Variants in CNOT11 observed in about 807,000 individuals in gnomAD.
CNOT11 encodes CCR4-NOT transcription complex subunit 11.
CNOT11 carries 18 observed loss-of-function variants against 44.6 expected under a neutral mutation model. The observed-to-expected ratio is 0.40, with a 90% CI of 0.28 to 0.60. The LOEUF is 0.60. Ranked by LOEUF, CNOT11 falls within the 20% of genes least tolerant of loss-of-function variation. CNOT11 has a pLI of 0.38. For missense variants in CNOT11, 513 were observed against 677.0 expected, an observed-to-expected ratio of 0.76 and a Z score of 2.69; for synonymous variants, 291 against 270.9, an observed-to-expected ratio of 1.07 and a Z score of -0.73.
chr2:101,254,406 A>G (rs1681693394), intron 1 of CNOT11, among the ~76,000 whole-genome samples: 1 of 152,140 alleles, frequency 6.6e-6, no homozygotes, highest in African/African-American at 2.4e-5. Context: ...CCGCGTTTCT[A>G]GTTAGTGTTC....
intron 2 of CNOT11, among the ~76,000 whole-genome samples, chr2:101,261,971 C>G (rs773106053): frequency 6.6e-6 from 1 of 151,346 alleles, no homozygotes; most frequent in Non-Finnish European, 1.5e-5. Flanking sequence ...CTCAGCCTCT[C>G]GAGTAGCTGG....
chr2:101,257,755 A>G (rs916862325), intron 1 of CNOT11, 36 bp from the exon 2 acceptor site: 5 of 1,555,972 alleles, frequency 3.2e-6, no homozygotes, highest in Non-Finnish European at 3.5e-6. Context: ...TTTAAAAGTA[A>G]CCATTGGAGA....
intron 4 of CNOT11, among the ~76,000 whole-genome samples, chr2:101,265,660 C>T (rs1054359750): frequency 3.9e-5 from 6 of 152,074 alleles, no homozygotes; most frequent in Non-Finnish European, 8.8e-5. Context: ...CAGTGGGACA[C>T]TACACAATGG....
At chr2:101,267,709 T>C (rs1682019952) in intron 5 of CNOT11, among the ~76,000 whole-genome samples, 1 of 152,186 alleles carries the variant, frequency 6.6e-6, no homozygotes, top group Non-Finnish European at 1.5e-5. Context: ...CTTACAAATA[T>C]CTTTTAGGTA....
Position 101,262,521 on chromosome 2 carries a change from A to G in CNOT11, c.680-18A>G. The stretch of plus-strand genomic sequence containing the variant: ...CTCCTCATGATGTCCATAATTTTAA[A>G]ATGTCTCCTATTTCCAGAACGCCAA... On this transcript the variant is annotated intron_variant, in intron 2 of 6. Transcript: ENST00000289382. The G allele has an allele frequency of 1.9e-6, 3 of 1,612,686 alleles. No individual in the cohort carries two copies. The African/African-American group carries it at 4.0e-5, about 22-fold the overall frequency.
At chr2:101,260,629 G>T (rs1475797589) in intron 2 of CNOT11, among the ~76,000 whole-genome samples, 1 of 152,114 alleles carries the variant, frequency 6.6e-6, no homozygotes, top group Non-Finnish European at 1.5e-5. Context: ...TGGACCAAAG[G>T]TGTATTTTTG....
Position 101,264,876 on chromosome 2 carries a change from G to T in CNOT11, c.864G>T (p.Pro288=), listed in dbSNP as rs770214344. ...SHFRPEFIRP[P]PPLHICEDEL... The stretch of plus-strand genomic sequence containing the variant: ...TTCGACCAGAGTTTATTCGTCCACC[G>T]CCTCCACTCCACATTTGTGAGGATG... The change falls in exon 4 of 7, where the codon CCG becomes CCT. Residue 288 remains proline, a synonymous_variant. Transcript: ENST00000289382. 113 of 1,613,830 alleles carry T rather than the reference G, an allele frequency of 7.0e-5. No homozygotes were observed. The East Asian group carries it at 2.5e-3, about 35-fold the overall frequency.
chr2:101,267,279 C>A (rs1682008952), intron 5 of CNOT11, among the ~76,000 whole-genome samples: 1 of 152,044 alleles, frequency 6.6e-6, no homozygotes, highest in Non-Finnish European at 1.5e-5. Flanking sequence ...TGTGCTACCA[C>A]ACCCGACTAA....
intron 4 of CNOT11, 41 bp downstream of exon 4, chr2:101,265,088 A>C: frequency 7.4e-7 from 1 of 1,342,390 alleles, no homozygotes. Context: ...TTTTTTTTTA[A>C]ATTTATTTTT....
intron 2 of CNOT11, among the ~76,000 whole-genome samples, chr2:101,260,491 T>C (rs1353617805): frequency 2.0e-5 from 3 of 152,116 alleles, no homozygotes; most frequent in East Asian, 3.9e-4. Context: ...TCTACCCAGA[T>C]TGCAGATGTC....
At chr2:101,268,941 C>T in intron 5 of CNOT11, 99 bp from the exon 6 acceptor site, 1 of 718,380 alleles carries the variant, frequency 1.4e-6, no homozygotes, top group Non-Finnish European at 2.3e-6. Context: ...TCAGAAAATT[C>T]CACCAGATGA....
chr2:101,266,524 G>A (rs1048925304), intron 4 of CNOT11, among the ~76,000 whole-genome samples, 153 bp from the exon 5 acceptor site: 5 of 152,154 alleles, frequency 3.3e-5, no homozygotes, highest in Admixed American at 2.6e-4. Context: ...AAGACATCAT[G>A]GGTTTGAAGG....
chr2:101,268,314 C>T (rs1215081330), intron 5 of CNOT11, among the ~76,000 whole-genome samples: 1 of 152,182 alleles, frequency 6.6e-6, no homozygotes, highest in African/African-American at 2.4e-5. Context: ...TCCCTTTCAC[C>T]ATATTCTTAT....
Position 101,253,027 on chromosome 2 carries a change from G to C in CNOT11, c.63G>C (p.Gly21=). 6.6e-7 allele frequency: 1 copy of C among 1,513,880 alleles called. No individual in the cohort carries two copies. The highest frequency in any genetic ancestry group is 2.7e-5 in the East Asian group (1 of 37,176). 93.8% of individuals were successfully genotyped at this position (1,513,880 alleles called of 1,614,324 possible). A position where few individuals can be genotyped will look rare whatever the true frequency, so the allele number is the denominator to read the frequency against. Residue 21 remains glycine, a synonymous_variant, in exon 1 of 7, where the codon GGG becomes GGC. Coordinates refer to ENST00000289382, the MANE Select transcript of CNOT11 (RefSeq NM_017546.5). The surrounding 1 kb of genome is among the most constrained non-coding windows in gnomAD (Gnocchi z 4.3). The part of the protein sequence containing the change: ...GRLLTAAEQR[G]SREAAGSASR... ...TTCTCACCGCCGCGGAGCAAAGAGG[G>C]TCCCGGGAAGCGGCAGGGTCGGCGT...
intron 2 of CNOT11, among the ~76,000 whole-genome samples, chr2:101,259,389 A>G (rs1256096005): frequency 6.6e-6 from 1 of 152,194 alleles, no homozygotes; most frequent in Admixed American, 6.5e-5. Context: ...AAGCAAATGA[A>G]TGAGTGCTCT....
At position 101,269,681 on chromosome 2, in the gene CNOT11, TGA is replaced by T. The variant is rs1386001124; in HGVS notation, c.*270_*271del. ...AAAAAAAGTTCCGCAAAAAAGTAGA[TGA>T]GTTTCTTTTTTTTTTAAGCACTAAA... is the stretch of plus-strand genomic sequence containing the variant. On this transcript the variant is annotated 3_prime_UTR_variant, in exon 7 of 7. Coordinates refer to ENST00000289382, the MANE Select transcript of CNOT11 (RefSeq NM_017546.5). The surrounding 1 kb of genome is among the most constrained non-coding windows in gnomAD (Gnocchi z 4.8). 3.1e-6 allele frequency: 1 copy of T among 325,750 alleles called. No homozygotes were observed. Among genetic ancestry groups the T allele is most frequent in the Non-Finnish European group, 5.6e-6 (1 of 180,174 alleles). 20.2% of individuals were successfully genotyped at this position (325,750 alleles called of 1,614,324 possible).
rs1344313566 is a variant in CNOT11, at chr2:101,253,940, CCTTT to C, written c.514+466_514+469del. On this transcript the variant is annotated intron_variant, in intron 1 of 6. Coordinates refer to ENST00000289382, the MANE Select transcript of CNOT11 (RefSeq NM_017546.5). The surrounding 1 kb of genome is among the most constrained non-coding windows in gnomAD (Gnocchi z 4.3). ...AAACACCTTAAAGACTTTGCAGCCG[CCTTT>C]CTTAGCCTGTTAGGGATGGGGGCAG... 2.0e-5 allele frequency among the ~76,000 whole-genome samples: 3 copies of C among 152,124 alleles called. No homozygotes were observed. Among genetic ancestry groups the C allele is most frequent in the Non-Finnish European group, 4.4e-5 (3 of 68,026 alleles).
intron 2 of CNOT11, among the ~76,000 whole-genome samples, chr2:101,258,251 C>T (rs1004237769): frequency 6.6e-6 from 1 of 151,776 alleles, no homozygotes; most frequent in African/African-American, 2.4e-5. Flanking sequence ...AAAAATTAGC[C>T]AGACATGGTG....
chr2:101,268,985 G>C (rs1371925123), intron 5 of CNOT11, 55 bp from the exon 6 acceptor site: 3 of 1,137,266 alleles, frequency 2.6e-6, no homozygotes, highest in Non-Finnish European at 3.9e-6. Context: ...GGTTAACAGT[G>C]TTTCTCAATG....
Sources: gnomAD v4.1 joint callset for allele counts (sites outside exome capture counted in the v4.1 genomes callset) on GRCh38, gnomAD v4.1.1 for gene constraint, Gnocchi (gnomAD v3.1) non-coding constraint, MANE v1.5 for transcripts, NCBI Gene and HGNC (gene_info 2026-07-23, HGNC 2026-07-21) for gene names.